The following DPYD variants were observed in gnomAD, a reference collection of about 807,000 sequenced individuals.
DPYD encodes the protein dihydropyrimidine dehydrogenase [NADP(+)].
A neutral mutation model predicts 116.2 loss-of-function variants in DPYD; 109 were observed. The observed-to-expected ratio is 0.94, with a 90% CI of 0.80 to 1.10. The LOEUF is 1.10. Among genes scored for constraint, DPYD ranks in the 50% least tolerant of loss-of-function variants. The pLI, the probability that DPYD is intolerant of heterozygous loss-of-function variation, is 0.00. For missense variants in DPYD, 1,302 were observed against 1,254.5 expected (o/e 1.04, Z -0.57); for synonymous variants, 440 against 432.0 (o/e 1.02, Z -0.23).
intron 16 of DPYD, among the ~76,000 whole-genome samples, chr1:97,329,749 T>C (rs1336523366): frequency 1.7e-5 from 2 of 117,652 alleles, no homozygotes; most frequent in Non-Finnish European, 3.6e-5. Flanking sequence ...TGAAACTCCA[T>C]CTTAAAAAAA....
intron 18 of DPYD, among the ~76,000 whole-genome samples, chr1:97,296,555 A>G (rs879217351): frequency 4.6e-5 from 7 of 152,128 alleles, no homozygotes; most frequent in African/African-American, 1.7e-4. Flanking sequence ...ATTCACTTTT[A>G]TTTTGAATAA....
intron 11 of DPYD, among the ~76,000 whole-genome samples, chr1:97,563,422 T>G (rs1234708736): frequency 6.6e-6 from 1 of 152,226 alleles, no homozygotes; most frequent in Non-Finnish European, 1.5e-5. Flanking sequence ...CCATTGGCTA[T>G]GTTTTATGAT....
At chr1:97,684,788 G>C (rs1393971465) in intron 7 of DPYD, among the ~76,000 whole-genome samples, 1 of 152,012 alleles carries the variant, frequency 6.6e-6, no homozygotes, top group Non-Finnish European at 1.5e-5. Context: ...TCCCAAGGCT[G>C]AACAAGGAAG....
chr1:97,574,745 G>C (rs532524902), intron 10 of DPYD, among the ~76,000 whole-genome samples: 3 of 152,238 alleles, frequency 2.0e-5, no homozygotes, highest in Non-Finnish European at 4.4e-5. Context: ...CCAGGCCTTT[G>C]TCAATGCAAT....
chr1:97,862,260 A>T (rs1034074533), intron 2 of DPYD, among the ~76,000 whole-genome samples: 1 of 151,912 alleles, frequency 6.6e-6, no homozygotes, highest in African/African-American at 2.4e-5. Flanking sequence ...ATAGAAACAA[A>T]TTTATCATTT....
intron 13 of DPYD, among the ~76,000 whole-genome samples, chr1:97,506,289 T>C (rs188431286): frequency 7.2e-5 from 11 of 151,910 alleles, no homozygotes; most frequent in Non-Finnish European, 1.6e-4. Flanking sequence ...TAAAAAGCAA[T>C]AAAGAAAATA....
intron 16 of DPYD, among the ~76,000 whole-genome samples, chr1:97,352,344 C>T (rs182743101): frequency 2.6e-5 from 4 of 152,268 alleles, no homozygotes; most frequent in Admixed American, 1.3e-4. Context: ...AGGCCTGCTA[C>T]CTAATAGTTG....
intron 20 of DPYD, among the ~76,000 whole-genome samples, chr1:97,168,037 T>C (rs910314007): frequency 6.6e-6 from 1 of 152,212 alleles, no homozygotes; most frequent in South Asian, 2.1e-4. Flanking sequence ...CAGATTTCTA[T>C]AGTGGATGAT....
chr1:97,678,209 A>G (rs1557877683), intron 8 of DPYD, among the ~76,000 whole-genome samples: 1 of 152,152 alleles, frequency 6.6e-6, no homozygotes, highest in Non-Finnish European at 1.5e-5. Context: ...CCAGTTCACA[A>G]TAGAGTTTGC....
At chr1:97,596,320 T>C (rs1248155167) in intron 8 of DPYD, among the ~76,000 whole-genome samples, 1 of 152,190 alleles carries the variant, frequency 6.6e-6, no homozygotes, top group Non-Finnish European at 1.5e-5. Context: ...AGTGGTGGTA[T>C]TAAGGATATT....
chr1:97,306,226 C>T lies in DPYD; in HGVS notation c.2130G>A (p.Leu710=). 6.2e-7 allele frequency: 1 copy of T among 1,612,538 alleles called. No individual in the cohort carries two copies. The highest frequency in any genetic ancestry group is 8.5e-7 in the Non-Finnish European group (1 of 1,178,964). The change falls in exon 17 of 23, where the codon CTG becomes CTA. Residue 710 remains leucine (L), a synonymous_variant. Coordinates refer to ENST00000370192, the MANE Select transcript of DPYD (RefSeq NM_000110.4). ...QAVQIPFFAK[L]TPNVTDIVSI... ...TCACAATATCAGTGACATTTGGGGT[C>T]AGCTTGGCAAAAAAAGGAATCTGAA... is the stretch of plus-strand genomic sequence containing the variant.
rs541991573 is a variant in DPYD at position 97,920,561 on chromosome 1, T to C, written c.39+323A>G. Among the ~76,000 whole-genome samples the C allele has an allele frequency of 3.2e-4, 48 of 152,264 alleles. No homozygotes were observed. The South Asian group carries it at 9.5e-3, about 30-fold the overall frequency. On this transcript the variant is annotated intron_variant, in intron 1 of 22. Transcript: ENST00000370192. ...GCACTCCTACCCCCTAGAGTCCACC[T>C]CTCTGGAACTCCAGTGCTTCTTCAG...
intron 12 of DPYD, among the ~76,000 whole-genome samples, chr1:97,518,142 A>G (rs1648365617): frequency 6.6e-6 from 1 of 152,048 alleles, no homozygotes; most frequent in Non-Finnish European, 1.5e-5. Flanking sequence ...TTAAGCTTCA[A>G]AACAAAACAA....
intron 1 of DPYD, among the ~76,000 whole-genome samples, chr1:97,891,350 G>T (rs911275916): frequency 6.6e-6 from 1 of 151,770 alleles, no homozygotes; most frequent in Admixed American, 6.6e-5. Context: ...TCTCATCAAA[G>T]AATTTGACTT....
chr1:97,281,547 A>C (rs1262389660), intron 18 of DPYD, among the ~76,000 whole-genome samples: 1 of 144,012 alleles, frequency 6.9e-6, no homozygotes. Flanking sequence ...TTCAATATAA[A>C]ATTTTATACC....
At position 97,883,352 on chromosome 1, in the gene DPYD, C is replaced by T. The variant is rs80081766; in HGVS notation, c.62G>A (p.Arg21Gln). 2.1e-5 allele frequency: 34 copies of T among 1,611,422 alleles called. No individual in the cohort carries two copies. Among genetic ancestry groups the T allele is most frequent in the South Asian group, 5.5e-5 (5 of 91,008 alleles). ...DIESILALNP[R>Q]TQTHATLCST... ...ACACAGAGTTGCATGAGTTTGTGTT[C>T]GAGGATTTAAAGCCAGGATACTCTA... Residue 21 changes from arginine to glutamine, a missense_variant, in exon 2 of 23, where the codon CGA becomes CAA. By Grantham distance (43) the Arg-to-Gln change is conservative. Coordinates refer to ENST00000370192, the MANE Select transcript of DPYD (RefSeq NM_000110.4).
At chr1:97,627,120 T>C (rs1366092001) in intron 8 of DPYD, among the ~76,000 whole-genome samples, 2 of 151,992 alleles carry the variant, frequency 1.3e-5, no homozygotes, top group East Asian at 3.9e-4. Context: ...CACTCTCAGG[T>C]CCTCATCACT....
chr1:97,188,585 G>A (rs1658154424), intron 20 of DPYD, among the ~76,000 whole-genome samples: 1 of 152,170 alleles, frequency 6.6e-6, no homozygotes, highest in African/African-American at 2.4e-5. Flanking sequence ...TGCAATACTA[G>A]TTGTAGGAAC....
At chr1:97,268,482 C>A (rs947714284) in intron 18 of DPYD, among the ~76,000 whole-genome samples, 3 of 152,134 alleles carry the variant, frequency 2.0e-5, no homozygotes, top group Admixed American at 2.0e-4. Flanking sequence ...CCCAGGCTAA[C>A]CGAGAGATCC....
Sources: gnomAD v4.1 joint callset for allele counts (sites outside exome capture counted in the v4.1 genomes callset) on GRCh38, gnomAD v4.1.1 for gene constraint, MANE v1.5 for transcripts, NCBI Gene and HGNC (gene_info 2026-07-23, HGNC 2026-07-21) for gene names.